The following LEKR1 variants were observed in gnomAD, a reference collection of about 807,000 sequenced individuals.
LEKR1 encodes the protein protein LEKR1.
LEKR1 carries 59 observed loss-of-function variants against 72.4 expected under a neutral mutation model. That is an observed-to-expected ratio of 0.82 (90% CI 0.66 to 1.01). The LOEUF is 1.01. LEKR1 is among the 50% of genes least tolerant of loss of function. The pLI, the probability that LEKR1 is intolerant of heterozygous loss-of-function variation, is 0.00. For synonymous variants in LEKR1, 257 were observed against 263.2 expected (o/e 0.98, Z 0.23); for missense variants, 728 against 759.2 (o/e 0.96, Z 0.48).
At chr3:156,831,094 G>A (rs756275063) in intron 2 of LEKR1, among the ~76,000 whole-genome samples, 2 of 152,104 alleles carry the variant, frequency 1.3e-5, no homozygotes, top group African/African-American at 2.4e-5. Flanking sequence ...GATTTTCAAG[G>A]ATAGTTTGGC....
At chr3:156,844,111 A>G (rs1422160352) in intron 2 of LEKR1, among the ~76,000 whole-genome samples, 1 of 152,150 alleles carries the variant, frequency 6.6e-6, no homozygotes, top group Non-Finnish European at 1.5e-5. Flanking sequence ...GTGGAAAAAT[A>G]GGTATTGGAG....
intron 9 of LEKR1, among the ~76,000 whole-genome samples, chr3:157,007,458 C>T (rs1188785664): frequency 2.0e-5 from 3 of 152,230 alleles, no homozygotes; most frequent in Non-Finnish European, 4.4e-5. Context: ...AAATGTTCCC[C>T]TCCTTTAGCG....
At chr3:156,885,149 G>A (rs1489637623) in intron 3 of LEKR1, among the ~76,000 whole-genome samples, 3 of 151,932 alleles carry the variant, frequency 2.0e-5, no homozygotes, top group Non-Finnish European at 2.9e-5. Context: ...TTTTCTTTAT[G>A]ATACCTATTT....
chr3:157,024,839 C>T lies in LEKR1; in HGVS notation c.1283C>T (p.Thr428Ile), dbSNP rs756277307. Reference protein sequence around the residue: ...EEQALLFKEETKLQLDIEKEK... With the variant: ...EEQALLFKEEIKLQLDIEKEK... ...CAAGCTCTTCTCTTTAAGGAAGAAA[C>T]AAAATTGCAACTTGATATTGAAAAA... is the stretch of plus-strand genomic sequence containing the variant. The change falls in exon 11 of 13, where the codon ACA becomes ATA. Residue 428 changes from threonine (T) to isoleucine (I), a missense_variant. Thr to Ile is a moderately conservative substitution (Grantham distance 89). Coordinates refer to ENST00000356539, the MANE Select transcript of LEKR1 (RefSeq NM_001004316.3). 6.2e-7 allele frequency: 1 copy of T among 1,610,986 alleles called. No homozygotes were observed. Among genetic ancestry groups the T allele is most frequent in the Non-Finnish European group, 8.5e-7 (1 of 1,178,088 alleles).
intron 6 of LEKR1, among the ~76,000 whole-genome samples, chr3:156,972,183 C>T (rs927235628): frequency 6.6e-6 from 1 of 152,088 alleles, no homozygotes; most frequent in Non-Finnish European, 1.5e-5. Context: ...GAGTTCATGT[C>T]CTTTGTAGGT....
At chr3:156,966,497 G>T (rs1728611109) in intron 6 of LEKR1, among the ~76,000 whole-genome samples, 1 of 152,228 alleles carries the variant, frequency 6.6e-6, no homozygotes, top group Admixed American at 6.5e-5. Context: ...CACCGGGCGT[G>T]GAGGGTCCTG....
At chr3:156,899,636 GCATA>G (rs1721755040) in intron 3 of LEKR1, among the ~76,000 whole-genome samples, 3 of 68,594 alleles carry the variant, frequency 4.4e-5, no homozygotes, top group Non-Finnish European at 8.5e-5. Context: ...ATATATACAC[GCATA>G]TATACACATA....
At chr3:156,861,174 A>G (rs1262301753) in intron 3 of LEKR1, among the ~76,000 whole-genome samples, 1 of 152,166 alleles carries the variant, frequency 6.6e-6, no homozygotes, top group Non-Finnish European at 1.5e-5. Flanking sequence ...TCTCCAGAGT[A>G]TAATGTGTAT....
intron 3 of LEKR1, among the ~76,000 whole-genome samples, chr3:156,897,006 A>G (rs1022649104): frequency 6.6e-6 from 1 of 152,178 alleles, no homozygotes; most frequent in Non-Finnish European, 1.5e-5. Flanking sequence ...TTGAGTACAC[A>G]TGGACACAAA....
chr3:156,993,543 G>GA (rs549549285), intron 9 of LEKR1, among the ~76,000 whole-genome samples: 261 of 140,756 alleles, frequency 1.9e-3, no homozygotes, highest in African/African-American at 3.5e-3. Context: ...AATTCTTCTT[G>GA]AAAAAAAAAA....
At chr3:156,844,160 A>T (rs529277986) in intron 2 of LEKR1, among the ~76,000 whole-genome samples, 2 of 152,166 alleles carry the variant, frequency 1.3e-5, no homozygotes, top group Non-Finnish European at 2.9e-5. Context: ...AGACATAGGC[A>T]TATCATTTAT....
At chr3:156,960,856 T>C (rs1256722348) in intron 6 of LEKR1, among the ~76,000 whole-genome samples, 3 of 152,210 alleles carry the variant, frequency 2.0e-5, no homozygotes, top group African/African-American at 7.2e-5. Context: ...TTTTGTTTCC[T>C]TTTGAAGATT....
intron 12 of LEKR1, among the ~76,000 whole-genome samples, chr3:157,042,359 C>G (rs1454336720): frequency 1.3e-5 from 2 of 152,188 alleles, no homozygotes; most frequent in South Asian, 4.1e-4. Context: ...TCCCCCACCC[C>G]GCTGGCTGGC....
At chr3:156,929,134 G>A (rs1724982248) in intron 5 of LEKR1, among the ~76,000 whole-genome samples, 1 of 151,406 alleles carries the variant, frequency 6.6e-6, no homozygotes, top group Non-Finnish European at 1.5e-5. Flanking sequence ...GAAAAATATG[G>A]TGTCTGAAAT....
intron 10 of LEKR1, among the ~76,000 whole-genome samples, chr3:157,019,870 A>G (rs1272573310): frequency 6.6e-6 from 1 of 151,992 alleles, no homozygotes; most frequent in Admixed American, 6.6e-5. Context: ...CAGTAATCTC[A>G]TTTCTCTGTG....
At chr3:156,900,988 GA>G (rs1721975037) in intron 3 of LEKR1, among the ~76,000 whole-genome samples, 1 of 151,618 alleles carries the variant, frequency 6.6e-6, no homozygotes, top group South Asian at 2.1e-4. Flanking sequence ...TAATTTTTTT[GA>G]ATTATTAAAA....
chr3:156,953,182 T>C (rs1393615501), intron 6 of LEKR1, among the ~76,000 whole-genome samples: 2 of 151,362 alleles, frequency 1.3e-5, no homozygotes, highest in Non-Finnish European at 3.0e-5. Context: ...AGCTTTATTT[T>C]TTATAGCAAT....
intron 3 of LEKR1, among the ~76,000 whole-genome samples, chr3:156,870,887 T>C (rs1474548333): frequency 3.9e-5 from 6 of 152,132 alleles, no homozygotes; most frequent in East Asian, 1.9e-4. Context: ...TGAAGGGACA[T>C]TGAACTTTAT....
rs557009421 is a variant in LEKR1 at position 156,985,009 on chromosome 3, C to G, written c.827+5734C>G. Among the ~76,000 whole-genome samples the G allele has an allele frequency of 5.9e-5, 9 of 151,876 alleles. No individual in the cohort carries two copies. In the East Asian group the frequency reaches 1.8e-3, roughly 30 times the overall value. On this transcript the variant is annotated intron_variant, in intron 7 of 12. Transcript: ENST00000356539. ...TTCATTCATGAAAATTTCTTCCTGG[C>G]AAGCAGAAGGTGGCCTGGTGGCATT...
Sources: gnomAD v4.1 joint callset for allele counts (sites outside exome capture counted in the v4.1 genomes callset) on GRCh38, gnomAD v4.1.1 for gene constraint, MANE v1.5 for transcripts, NCBI Gene and HGNC (gene_info 2026-07-23, HGNC 2026-07-21) for gene names.